The following PPP2R2B variants were observed in gnomAD, a reference collection of about 807,000 sequenced individuals.
PPP2R2B encodes serine/threonine-protein phosphatase 2A 55 kDa regulatory subunit B beta isoform.
A neutral mutation model predicts 46.0 loss-of-function variants in PPP2R2B; 5 were observed. The ratio of observed to expected loss-of-function variants is 0.11; its 90% CI spans 0.06 to 0.23. The LOEUF (loss-of-function observed/expected upper bound fraction) is 0.23, where lower values mean the gene tolerates loss of function less well. PPP2R2B is among the 10% of genes least tolerant of loss of function. The pLI is 1.00. For synonymous variants in PPP2R2B, 215 were observed against 206.7 expected (o/e 1.04, Z -0.34); for missense variants, 367 against 575.0 (o/e 0.64, Z 3.70).
chr5:146,698,361 T>C (rs1263166010), intron 3 of PPP2R2B, among the ~76,000 whole-genome samples: 5 of 123,010 alleles, frequency 4.1e-5, no homozygotes, highest in Non-Finnish European at 8.2e-5. Context: ...TACACACACA[T>C]ATAATTATAC....
intron 5 of PPP2R2B, among the ~76,000 whole-genome samples, chr5:146,661,708 A>T (rs994446426): frequency 1.3e-5 from 2 of 152,204 alleles, no homozygotes; most frequent in Non-Finnish European, 2.9e-5. Flanking sequence ...TTTTCTCAGA[A>T]GATAAACTCG....
chr5:146,884,787 G>T (rs1320962981), intron 1 of PPP2R2B, among the ~76,000 whole-genome samples: 1 of 152,112 alleles, frequency 6.6e-6, no homozygotes, highest in African/African-American at 2.4e-5. Context: ...CCAAAACCAG[G>T]TTAGCAACAC....
In PPP2R2B at chr5:146,873,246, T is replaced by G. The variant is rs182456416; in HGVS notation, c.70+4756A>C. Reference sequence around the variant, plus strand: ...TGCAATCTTTCTCTATTACGTATCTTAAATCCATCTAATTCTCTCCATCTC... The same window carrying G: ...TGCAATCTTTCTCTATTACGTATCTGAAATCCATCTAATTCTCTCCATCTC... On this transcript the variant is annotated intron_variant, in intron 2 of 9. Transcript: ENST00000394411. Among the ~76,000 whole-genome samples, 265 of 152,340 alleles carry G rather than the reference T, an allele frequency of 1.7e-3. 1 individual carries two copies. Among genetic ancestry groups the G allele is most frequent in the African/African-American group, 5.7e-3 (237 of 41,578 alleles).
At chr5:146,729,568 A>G (rs1417123490) in intron 2 of PPP2R2B, among the ~76,000 whole-genome samples, 1 of 152,108 alleles carries the variant, frequency 6.6e-6, no homozygotes, top group Admixed American at 6.5e-5. Flanking sequence ...GCCCAGGGGG[A>G]AAAAGTGGTT....
chr5:146,878,792 G>A (rs1762062884), upstream of PPP2R2B: 1 of 1,295,104 alleles, frequency 7.7e-7, no homozygotes. The surrounding 1 kb of genome is among the most constrained non-coding windows in gnomAD (Gnocchi z 4.5). Context: ...CATTAAAGGC[G>A]AGGCTCCTCC....
intron 1 of PPP2R2B, among the ~76,000 whole-genome samples, chr5:146,986,916 C>T (rs1253596870): frequency 6.6e-5 from 10 of 151,956 alleles, no homozygotes; most frequent in Non-Finnish European, 1.5e-4. Context: ...GCCCAAAGAC[C>T]ACCAAGTAGA....
chr5:146,605,119 A>C (rs1425560705), intron 7 of PPP2R2B, among the ~76,000 whole-genome samples: 1 of 152,122 alleles, frequency 6.6e-6, no homozygotes, highest in African/African-American at 2.4e-5. Flanking sequence ...CTCACTCACT[A>C]TTCATAGGTT....
At chr5:147,071,286 C>T (rs186466537) in intron 2 of PPP2R2B, among the ~76,000 whole-genome samples, 3 of 152,238 alleles carry the variant, frequency 2.0e-5, no homozygotes, top group African/African-American at 7.2e-5. Flanking sequence ...TGCCTCATGA[C>T]TTATTATGTG....
At position 146,594,578 on chromosome 5, in the gene PPP2R2B, C is replaced by A. The variant is rs1205282024; in HGVS notation, c.961-1516G>T. On this transcript the variant is annotated intron_variant, in intron 8 of 9. Coordinates refer to ENST00000394411, the MANE Select transcript of PPP2R2B (RefSeq NM_181675.4). ...TCAAAACCTCATTTCATCTCTAAAG[C>A]CATCTTATGATGTAGGTACTTTCAT... 2.0e-5 allele frequency among the ~76,000 whole-genome samples: 3 copies of A among 152,200 alleles called. No individual in the cohort carries two copies. The East Asian group carries it at 5.8e-4, about 29-fold the overall frequency.
rs573558171 is a variant in PPP2R2B at position 146,749,532 on chromosome 5, G to C, written c.71-48390C>G. Among the ~76,000 whole-genome samples, 3 of 151,440 alleles carry C rather than the reference G, an allele frequency of 2.0e-5. No individual in the cohort carries two copies. In the East Asian group the frequency reaches 5.8e-4, roughly 29 times the overall value. ...GCATAAGAACTCTTTGCTTAGCCTT[G>C]ATCACAGTGCATATAGCATAAGAAC... On this transcript the variant is annotated intron_variant, in intron 2 of 9. Transcript: ENST00000394411.
intron 2 of PPP2R2B, among the ~76,000 whole-genome samples, chr5:146,822,137 A>G (rs1038462160): frequency 6.6e-6 from 1 of 152,234 alleles, no homozygotes; most frequent in African/African-American, 2.4e-5. Flanking sequence ...CTTATTTTAC[A>G]AGAAAAGAAA....
intron 2 of PPP2R2B, among the ~76,000 whole-genome samples, chr5:147,070,505 T>A (rs184326389): frequency 5.3e-5 from 8 of 152,324 alleles, no homozygotes; most frequent in Non-Finnish European, 8.8e-5. Context: ...GTAAGTAGGA[T>A]GATGCTGAGC....
chr5:146,588,721 T>A lies in PPP2R2B; in HGVS notation c.*1226A>T, dbSNP rs1325494480. Reference sequence around the variant, plus strand: ...ATGAACCATCTTCCACAGCTTCAAGTGGACTTCATTCACTTCATGTCACAG... The same window carrying A: ...ATGAACCATCTTCCACAGCTTCAAGAGGACTTCATTCACTTCATGTCACAG... On this transcript the variant is annotated 3_prime_UTR_variant, in exon 10 of 10. Coordinates refer to ENST00000394411, the MANE Select transcript of PPP2R2B (RefSeq NM_181675.4). 1 of 152,220 alleles carries A rather than the reference T, an allele frequency of 6.6e-6. No homozygotes were observed. The highest frequency in any genetic ancestry group is 1.9e-4 in the East Asian group (1 of 5,190). The allele number at this position is 152,220 out of a possible 1,614,324, so 9.4% of individuals were successfully genotyped here. A position where few individuals can be genotyped will look rare whatever the true frequency, so the allele number is the denominator to read the frequency against.
At chr5:146,716,170 T>C (rs192754476) in intron 2 of PPP2R2B, among the ~76,000 whole-genome samples, 2 of 148,876 alleles carry the variant, frequency 1.3e-5, no homozygotes, top group Non-Finnish European at 2.9e-5. Context: ...ACTGACTAAA[T>C]AAAAAAGTAA....
At chr5:146,769,012 G>C (rs1754672402) in intron 2 of PPP2R2B, among the ~76,000 whole-genome samples, 4 of 152,066 alleles carry the variant, frequency 2.6e-5, no homozygotes, top group Admixed American at 2.6e-4. Context: ...CAAGTAGGTG[G>C]GAAAGCAGGT....
intron 6 of PPP2R2B, among the ~76,000 whole-genome samples, chr5:146,648,654 G>A (rs1775741543): frequency 6.6e-6 from 1 of 152,178 alleles, no homozygotes; most frequent in East Asian, 1.9e-4. Flanking sequence ...ATCATGGTAA[G>A]TACCATGACA....
At chr5:146,977,256 C>A (rs1465887858) in intron 1 of PPP2R2B, among the ~76,000 whole-genome samples, 2 of 152,042 alleles carry the variant, frequency 1.3e-5, no homozygotes, top group Admixed American at 6.6e-5. Flanking sequence ...GAATTGCGAT[C>A]TTGTTCTGTC....
intron 2 of PPP2R2B, among the ~76,000 whole-genome samples, chr5:146,709,308 C>T (rs1394464513): frequency 6.6e-6 from 1 of 152,200 alleles, no homozygotes; most frequent in Non-Finnish European, 1.5e-5. Flanking sequence ...AAATGTCAGT[C>T]TGACCCTGTA....
intron 1 of PPP2R2B, among the ~76,000 whole-genome samples, chr5:146,982,327 A>T (rs1013180404): frequency 1.3e-5 from 2 of 152,114 alleles, no homozygotes; most frequent in African/African-American, 4.8e-5. Flanking sequence ...CCATTCATGA[A>T]GTATGTGATT....
Sources: gnomAD v4.1 joint callset for allele counts (sites outside exome capture counted in the v4.1 genomes callset) on GRCh38, gnomAD v4.1.1 for gene constraint, Gnocchi (gnomAD v3.1) non-coding constraint, MANE v1.5 for transcripts, NCBI Gene and HGNC (gene_info 2026-07-23, HGNC 2026-07-21) for gene names.